SEL1L2: variants seen among roughly 807,000 people sequenced by gnomAD.
The protein encoded by SEL1L2 is protein sel-1 homolog 2.
SEL1L2 carries 89 observed loss-of-function variants against 98.8 expected under a neutral mutation model. The ratio of observed to expected loss-of-function variants is 0.90; its 90% CI spans 0.76 to 1.07. The LOEUF is 1.07. Among genes scored for constraint, SEL1L2 ranks in the 50% least tolerant of loss-of-function variants. SEL1L2 has a pLI of 0.00. For synonymous variants in SEL1L2, 262 were observed against 278.5 expected (o/e 0.94, Z 0.59); for missense variants, 788 against 812.0 (o/e 0.97, Z 0.36).
At chr20:13,963,391 CAAAAAAAAAAA>C (rs67070339) in intron 1 of SEL1L2, among the ~76,000 whole-genome samples, 18 of 48,192 alleles carry the variant, frequency 3.7e-4, no homozygotes, top group African/African-American at 1.4e-3. Context: ...TCTGGAGCAG[CAAAAAAAAAAA>C]AAAAAAAAAA....
intron 5 of SEL1L2, among the ~76,000 whole-genome samples, chr20:13,896,363 G>C (rs556530223): frequency 6.6e-6 from 1 of 152,066 alleles, no homozygotes; most frequent in South Asian, 2.1e-4. Flanking sequence ...CCAGCTACTA[G>C]GGAGGCTGAG....
chr20:13,873,084 G>C (rs1209334975), intron 12 of SEL1L2, among the ~76,000 whole-genome samples: 2 of 151,242 alleles, frequency 1.3e-5, no homozygotes, highest in East Asian at 1.9e-4. Context: ...TTTGCCTCCT[G>C]GGTTTAAGTG....
chr20:13,932,143 A>G (rs2049172581), intron 2 of SEL1L2, among the ~76,000 whole-genome samples: 1 of 152,160 alleles, frequency 6.6e-6, no homozygotes, highest in South Asian at 2.1e-4. Context: ...TACACATTAC[A>G]ACAAATTTAT....
intron 12 of SEL1L2, among the ~76,000 whole-genome samples, chr20:13,871,800 C>T: frequency 6.6e-6 from 1 of 152,264 alleles, no homozygotes; most frequent in South Asian, 2.1e-4. Flanking sequence ...GCGTGAGACA[C>T]CGCACCCTGC....
chr20:13,987,954 C>G (rs767419822), intron 1 of SEL1L2, among the ~76,000 whole-genome samples: 1 of 152,152 alleles, frequency 6.6e-6, no homozygotes, highest in Non-Finnish European at 1.5e-5. Flanking sequence ...TGAAGATATC[C>G]TCCAAAACAG....
chr20:13,959,076 G>A (rs1259600754), intron 1 of SEL1L2, among the ~76,000 whole-genome samples: 3 of 152,148 alleles, frequency 2.0e-5, no homozygotes, highest in Admixed American at 6.5e-5. Flanking sequence ...AGAACTTAAC[G>A]TCGACCATTC....
chr20:13,885,214 C>T (rs574754090), intron 10 of SEL1L2, 133 bp downstream of exon 10: 4 of 674,876 alleles, frequency 5.9e-6, no homozygotes, highest in Admixed American at 2.1e-5. Flanking sequence ...GGAAGCATAG[C>T]TGACCAAGGA....
chr20:13,983,022 TCAAAAAAAAA>T (rs2051923659), intron 1 of SEL1L2, among the ~76,000 whole-genome samples: 1 of 1,162 alleles, frequency 8.6e-4, no homozygotes, highest in East Asian at 0.022. Flanking sequence ...AGACTCCATC[TCAAAAAAAAA>T]AAAAAAAAAA....
intron 2 of SEL1L2, among the ~76,000 whole-genome samples, chr20:13,945,419 TTCTC>T (rs1042731917): frequency 4.6e-5 from 7 of 151,818 alleles, no homozygotes; most frequent in African/African-American, 1.5e-4. Context: ...CTCTCTCCCT[TTCTC>T]TCTCTCTTTT....
At chr20:13,928,474 A>G (rs1449531735) in intron 3 of SEL1L2, among the ~76,000 whole-genome samples, 4 of 152,244 alleles carry the variant, frequency 2.6e-5, no homozygotes, top group Admixed American at 2.6e-4. Context: ...CATCACATGC[A>G]GATTTTTATC....
At chr20:13,931,558 C>T in intron 3 of SEL1L2, 45 bp downstream of exon 3, 2 of 1,141,480 alleles carry the variant, frequency 1.8e-6, no homozygotes, top group Non-Finnish European at 1.2e-6. Flanking sequence ...TTTTATATTG[C>T]ATGTAGTCAT....
intron 5 of SEL1L2, among the ~76,000 whole-genome samples, chr20:13,901,966 A>C (rs944903160): frequency 1.3e-5 from 2 of 152,162 alleles, no homozygotes; most frequent in African/African-American, 4.8e-5. Flanking sequence ...CCTGGCCTTC[A>C]TACTTACTTT....
chr20:13,855,544 A>G (rs1989016215), intron 18 of SEL1L2, among the ~76,000 whole-genome samples: 1 of 152,186 alleles, frequency 6.6e-6, no homozygotes, highest in Non-Finnish European at 1.5e-5. Context: ...AAATCCCCAA[A>G]TTTTAATGGC....
chr20:13,979,060 A>G (rs2051684848), intron 1 of SEL1L2, among the ~76,000 whole-genome samples: 1 of 152,210 alleles, frequency 6.6e-6, no homozygotes, highest in Non-Finnish European at 1.5e-5. Flanking sequence ...ACTCGTCTCA[A>G]AAAGAAAAAA....
At chr20:13,882,302 G>GCA (rs2046740933) in intron 10 of SEL1L2, among the ~76,000 whole-genome samples, 3 of 152,090 alleles carry the variant, frequency 2.0e-5, no homozygotes, top group Non-Finnish European at 4.4e-5. Flanking sequence ...GCTACACTAT[G>GCA]GTATGTTGCA....
intron 2 of SEL1L2, among the ~76,000 whole-genome samples, chr20:13,952,898 G>C (rs892785048): frequency 1.3e-5 from 2 of 152,168 alleles, no homozygotes; most frequent in Non-Finnish European, 1.5e-5. Flanking sequence ...GTGTGGTGGC[G>C]TGTGCCTGTA....
chr20:13,853,137 G>A (rs985563630), intron 18 of SEL1L2, among the ~76,000 whole-genome samples: 7 of 151,536 alleles, frequency 4.6e-5, no homozygotes, highest in African/African-American at 1.7e-4. Flanking sequence ...TACATCTTCT[G>A]TTTTCTTAAC....
At chr20:13,891,663 CAAAAA>C (rs61545047) in intron 5 of SEL1L2, among the ~76,000 whole-genome samples, 5 of 74,242 alleles carry the variant, frequency 6.7e-5, no homozygotes, top group Admixed American at 6.6e-4. Flanking sequence ...AAGACTCCAT[CAAAAA>C]AAAAAAAAAA....
In SEL1L2 at chr20:13,913,797, T is replaced by C. The variant is rs780241637; in HGVS notation, c.534A>G (p.Ser178=). ...CAAAACTCACGTTTTGGGCTTTACA[T>C]GATCCTTCTTTAGCCAAGGACTCAT... ...QLYESLAKEG[S]CKAQNALGFL... is the part of the protein sequence containing the mutation. The change falls in exon 5 of 20, where the codon TCA becomes TCG. Residue 178 remains serine, a synonymous_variant. Coordinates refer to ENST00000284951, the MANE Select transcript of SEL1L2 (RefSeq NM_025229.2). 7 of 1,526,746 alleles carry C rather than the reference T, an allele frequency of 4.6e-6. No individual in the cohort carries two copies. In the East Asian group the frequency reaches 7.6e-5, roughly 17 times the overall value. The allele number at this position is 1,526,746 out of a possible 1,614,324, so 94.6% of individuals were successfully genotyped here.
Sources: gnomAD v4.1 joint callset for allele counts (sites outside exome capture counted in the v4.1 genomes callset) on GRCh38, gnomAD v4.1.1 for gene constraint, MANE v1.5 for transcripts, NCBI Gene and HGNC (gene_info 2026-07-23, HGNC 2026-07-21) for gene names.